ZNF143: variants seen among roughly 807,000 people sequenced by gnomAD.
ZNF143 encodes the protein SPH-binding factor.
In ZNF143, 49 loss-of-function variants were observed where a neutral mutation model predicts 74.1. That is an observed-to-expected ratio of 0.66 (90% CI 0.53 to 0.84). The LOEUF (loss-of-function observed/expected upper bound fraction) is 0.84, where lower values mean the gene tolerates loss of function less well. Ranked by LOEUF, ZNF143 falls within the 40% of genes least tolerant of loss-of-function variation. The pLI, the probability that ZNF143 is intolerant of heterozygous loss-of-function variation, is 0.00. For synonymous variants in ZNF143, 304 were observed against 282.8 expected (o/e 1.07, Z -0.75); for missense variants, 637 against 793.4 (o/e 0.80, Z 2.37).
intron 12 of ZNF143, among the ~76,000 whole-genome samples, chr11:9,510,012 A>T (rs1248992571): frequency 6.6e-6 from 1 of 152,226 alleles, no homozygotes; most frequent in Non-Finnish European, 1.5e-5. Flanking sequence ...TTAGTTAGAA[A>T]GCAGGCTTTA....
At chr11:9,513,634 G>A (rs1039020395) in intron 13 of ZNF143, among the ~76,000 whole-genome samples, 1 of 152,212 alleles carries the variant, frequency 6.6e-6, no homozygotes. Context: ...GGAGGCTTAC[G>A]CCTATAATCA....
At chr11:9,506,617 G>T (rs1848373033) in intron 11 of ZNF143, among the ~76,000 whole-genome samples, 1 of 152,172 alleles carries the variant, frequency 6.6e-6, no homozygotes, top group African/African-American at 2.4e-5. Context: ...AGCTCCCCAG[G>T]TCTTTTAGTA....
intron 7 of ZNF143, among the ~76,000 whole-genome samples, chr11:9,484,519 C>G (rs1007699735): frequency 6.7e-6 from 1 of 149,752 alleles, no homozygotes; most frequent in African/African-American, 2.5e-5. Context: ...CCAGCCTGAA[C>G]CTTGCTTTTC....
At chr11:9,465,275 C>T (rs1016882279) in intron 1 of ZNF143, among the ~76,000 whole-genome samples, 1 of 152,030 alleles carries the variant, frequency 6.6e-6, no homozygotes, top group East Asian at 1.9e-4. Flanking sequence ...CAACCTCCGC[C>T]TCCCGGGTTC....
chr11:9,525,708 G>A (rs1849101990), intron 15 of ZNF143, among the ~76,000 whole-genome samples: 1 of 152,126 alleles, frequency 6.6e-6, no homozygotes, highest in South Asian at 2.1e-4. Context: ...AAGCACTTAA[G>A]AGCTACTCCT....
intron 1 of ZNF143, among the ~76,000 whole-genome samples, chr11:9,465,730 G>A (rs180695654): frequency 4.7e-5 from 7 of 149,902 alleles, no homozygotes; most frequent in African/African-American, 9.8e-5. Context: ...TAATCTGCCC[G>A]TCTTGGCCTC....
At chr11:9,482,257 A>G (rs1225066039) in intron 7 of ZNF143, among the ~76,000 whole-genome samples, 1 of 140,954 alleles carries the variant, frequency 7.1e-6, no homozygotes, top group East Asian at 2.1e-4. Flanking sequence ...GGCGTGAGCT[A>G]CTGTACCCGG....
intron 7 of ZNF143, among the ~76,000 whole-genome samples, chr11:9,490,854 TC>T (rs1847746214): frequency 6.6e-6 from 1 of 152,084 alleles, no homozygotes; most frequent in African/African-American, 2.4e-5. Context: ...CACCTCAGCC[TC>T]CCAAGTAGCT....
intron 11 of ZNF143, among the ~76,000 whole-genome samples, chr11:9,505,219 A>C (rs1371689885): frequency 8.6e-6 from 1 of 116,438 alleles, no homozygotes; most frequent in African/African-American, 2.9e-5. Context: ...TGATCCACCC[A>C]CCTTGGCCTC....
intron 10 of ZNF143, among the ~76,000 whole-genome samples, chr11:9,499,247 A>ATCTTTTGGAATGGTTTCC (rs1848072162): frequency 6.6e-6 from 1 of 152,186 alleles, no homozygotes; most frequent in African/African-American, 2.4e-5. Context: ...ACAGTGCAAA[A>ATCTTTTGGAATGGTTTCC]ACAAAGCAGG....
At chr11:9,463,846 CAT>C (rs1856018209) in intron 1 of ZNF143, 1 of 152,206 alleles carries the variant, frequency 6.6e-6, no homozygotes, top group Non-Finnish European at 1.5e-5. Context: ...ACTCCACCCT[CAT>C]AGCATAGTTC....
chr11:9,483,680 G>T (rs1316057664), intron 7 of ZNF143, among the ~76,000 whole-genome samples: 1 of 150,140 alleles, frequency 6.7e-6, no homozygotes, highest in Non-Finnish European at 1.5e-5. Flanking sequence ...GTTGGTTCAA[G>T]TTATCCTCCT....
At position 9,473,932 on chromosome 11, in the gene ZNF143, T is replaced by G; in HGVS notation, c.206-9T>G. 1 of 1,614,122 alleles carries G rather than the reference T, an allele frequency of 6.2e-7. No individual in the cohort carries two copies. The highest frequency in any genetic ancestry group is 1.3e-5 in the African/African-American group (1 of 75,068). On this transcript the variant is annotated splice_polypyrimidine_tract_variant and intron_variant, in intron 3 of 15. Coordinates refer to ENST00000396602, the MANE Select transcript of ZNF143 (RefSeq NM_003442.6). ...GTGCCAATTTATTGTCTTGAATCTT[T>G]TGTTATAGATGCAAAACTCATAGAT...
intron 15 of ZNF143, among the ~76,000 whole-genome samples, chr11:9,526,531 A>G (rs1849133610): frequency 6.6e-6 from 1 of 152,064 alleles, no homozygotes; most frequent in Non-Finnish European, 1.5e-5. Flanking sequence ...TAAAGGCTCA[A>G]GAAGCTCTCT....
chr11:9,487,365 G>A (rs1847600345), intron 7 of ZNF143, among the ~76,000 whole-genome samples: 1 of 150,876 alleles, frequency 6.6e-6, no homozygotes, highest in African/African-American at 2.5e-5. Flanking sequence ...CTTTTTGTTT[G>A]TTTGTTTGTT....
intron 1 of ZNF143, among the ~76,000 whole-genome samples, chr11:9,466,906 T>G (rs561973401): frequency 6.6e-4 from 101 of 151,898 alleles, no homozygotes; most frequent in African/African-American, 1.3e-3. Context: ...GTGTGTGTGT[T>G]TTTTTGACAC....
Position 9,474,646 on chromosome 11 carries a change from T to C in ZNF143, c.373+13T>C. The stretch of plus-strand genomic sequence containing the variant: ...CACACCTCCAAAGGTAAAATAACTT[T>C]GAAAGTATGAATAAAATAAGGGAGA... On this transcript the variant is annotated intron_variant, in intron 5 of 15. Coordinates refer to ENST00000396602, the MANE Select transcript of ZNF143 (RefSeq NM_003442.6). The C allele has an allele frequency of 6.2e-7, 1 of 1,612,316 alleles. No individual in the cohort carries two copies. Among genetic ancestry groups the C allele is most frequent in the Non-Finnish European group, 8.5e-7 (1 of 1,178,390 alleles).
chr11:9,504,135 A>G (rs1446067187), intron 11 of ZNF143, among the ~76,000 whole-genome samples: 1 of 150,974 alleles, frequency 6.6e-6, no homozygotes. Flanking sequence ...TAATTTTTGT[A>G]TTTTTAATAG....
chr11:9,465,313 A>G (rs1194025459), intron 1 of ZNF143, among the ~76,000 whole-genome samples: 1 of 151,742 alleles, frequency 6.6e-6, no homozygotes, highest in East Asian at 1.9e-4. Context: ...CAGCCTCCCA[A>G]GTAGCTGGGA....
Sources: gnomAD v4.1 joint callset for allele counts (sites outside exome capture counted in the v4.1 genomes callset) on GRCh38, gnomAD v4.1.1 for gene constraint, MANE v1.5 for transcripts, NCBI Gene and HGNC (gene_info 2026-07-23, HGNC 2026-07-21) for gene names.